The following BCAS4 variants were observed in gnomAD, a reference collection of about 807,000 sequenced individuals.
BCAS4 encodes breast carcinoma amplified sequence 4.
A neutral mutation model predicts 15.7 loss-of-function variants in BCAS4; 9 were observed. The observed-to-expected ratio is 0.57, with a 90% CI of 0.34 to 1.00. The LOEUF (loss-of-function observed/expected upper bound fraction) is 1.00, where lower values mean the gene tolerates loss of function less well. BCAS4 is among the 50% of genes least tolerant of loss of function. The pLI, the probability that BCAS4 is intolerant of heterozygous loss-of-function variation, is 0.02. For synonymous variants in BCAS4, 101 were observed against 99.5 expected (o/e 1.02, Z -0.09); for missense variants, 225 against 239.1 (o/e 0.94, Z 0.39).
At chr20:50,816,306 G>A (rs1221578969) in intron 1 of BCAS4, among the ~76,000 whole-genome samples, 31 of 152,338 alleles carry the variant, frequency 2.0e-4, no homozygotes, top group Admixed American at 1.8e-3. Flanking sequence ...GATTACAGGC[G>A]TGAGCCACTA....
intron 1 of BCAS4, among the ~76,000 whole-genome samples, chr20:50,800,946 A>G (rs1391085835): frequency 6.6e-6 from 1 of 152,222 alleles, no homozygotes; most frequent in Non-Finnish European, 1.5e-5. Context: ...AGAAAAATGT[A>G]AATTAGCCAA....
chr20:50,864,923 G>A (rs968541580), intron 4 of BCAS4, among the ~76,000 whole-genome samples: 3 of 151,366 alleles, frequency 2.0e-5, no homozygotes, highest in East Asian at 2.0e-4. Flanking sequence ...GTGAAACCCC[G>A]TCTCTACTAA....
chr20:50,842,818 G>A (rs2088501727), intron 4 of BCAS4, among the ~76,000 whole-genome samples: 2 of 152,184 alleles, frequency 1.3e-5, no homozygotes, highest in South Asian at 4.1e-4. Context: ...CTGGTGACTT[G>A]CCCCCTTCAC....
intron 1 of BCAS4, among the ~76,000 whole-genome samples, chr20:50,802,297 G>A (rs1378143026): frequency 2.0e-5 from 3 of 152,320 alleles, no homozygotes; most frequent in South Asian, 2.1e-4. Context: ...CGGATGCTGC[G>A]CCATCCAGGT....
rs370383789 is a variant in BCAS4 at position 50,876,534 on chromosome 20, A to G, written c.448A>G (p.Arg150Gly). ...PVTYELPTLY[R>G]TEDYFPVDAG... ...GACGTACGAGCTGCCCACACTGTATAGGACGGAGGACTATTTTCCTGTGGA... is the reference window on the plus strand; with the variant it reads ...GACGTACGAGCTGCCCACACTGTATGGGACGGAGGACTATTTTCCTGTGGA... The change falls in exon 5 of 5, where the codon AGG (arginine) becomes GGG (glycine). Residue 150 changes from arginine (R) to glycine (G), a missense_variant. Coordinates refer to ENST00000371608, the MANE Select transcript of BCAS4 (RefSeq NM_198799.4). 6.2e-7 allele frequency: 1 copy of G among 1,613,940 alleles called. No homozygotes were observed. Among genetic ancestry groups the G allele is most frequent in the Non-Finnish European group, 8.5e-7 (1 of 1,180,006 alleles).
intron 1 of BCAS4, among the ~76,000 whole-genome samples, chr20:50,813,434 AG>A (rs1203007560): frequency 2.0e-5 from 3 of 152,226 alleles, no homozygotes; most frequent in East Asian, 3.8e-4. Context: ...GGCTACTGCA[AG>A]AGTCCTAGCA....
chr20:50,830,463 G>A, intron 3 of BCAS4, 83 bp downstream of exon 3: 2 of 1,157,486 alleles, frequency 1.7e-6, no homozygotes, highest in Non-Finnish European at 2.5e-6. Context: ...ATCTGGCCTT[G>A]AGCATGTCAG....
chr20:50,814,219 A>AG (rs2088108785), intron 1 of BCAS4, among the ~76,000 whole-genome samples: 1 of 152,158 alleles, frequency 6.6e-6, no homozygotes, highest in Non-Finnish European at 1.5e-5. Context: ...CCTAGATACC[A>AG]GGGGGTGAGG....
chr20:50,844,915 T>G (rs1353985527), intron 4 of BCAS4, among the ~76,000 whole-genome samples: 1 of 152,108 alleles, frequency 6.6e-6, no homozygotes, highest in East Asian at 1.9e-4. Flanking sequence ...CCCCAGTGTG[T>G]TGTTCTTGGC....
intron 3 of BCAS4, among the ~76,000 whole-genome samples, chr20:50,838,386 G>A (rs1391019845): frequency 6.6e-6 from 1 of 152,192 alleles, no homozygotes; most frequent in African/African-American, 2.4e-5. Context: ...GGCTATATGA[G>A]ATCAGGTGCT....
intron 4 of BCAS4, among the ~76,000 whole-genome samples, chr20:50,853,957 G>T (rs1406717744): frequency 6.6e-6 from 1 of 152,072 alleles, no homozygotes; most frequent in Non-Finnish European, 1.5e-5. Context: ...AACCAAAAAG[G>T]AGTCCATAAA....
intron 1 of BCAS4, among the ~76,000 whole-genome samples, chr20:50,801,047 C>T (rs1356688354): frequency 3.9e-5 from 6 of 152,152 alleles, no homozygotes; most frequent in African/African-American, 1.4e-4. Context: ...CACGGCACAC[C>T]TGTGGGAAAC....
chr20:50,803,910 G>A (rs2087959308), intron 1 of BCAS4, among the ~76,000 whole-genome samples: 1 of 151,832 alleles, frequency 6.6e-6, no homozygotes, highest in African/African-American at 2.4e-5. Flanking sequence ...AATTATAAAA[G>A]CTCTCCAGGA....
chr20:50,823,304 C>T (rs961384682), intron 2 of BCAS4, among the ~76,000 whole-genome samples: 2 of 152,050 alleles, frequency 1.3e-5, no homozygotes, highest in Non-Finnish European at 2.9e-5. Flanking sequence ...TGCATCACTG[C>T]ACTCCAGCCT....
chr20:50,847,762 G>C (rs1158511345), intron 4 of BCAS4, among the ~76,000 whole-genome samples: 1 of 152,306 alleles, frequency 6.6e-6, no homozygotes, highest in Admixed American at 6.5e-5. Flanking sequence ...TCAGTTACAG[G>C]TGGGACACGG....
chr20:50,859,680 T>C (rs1432403597), intron 4 of BCAS4, among the ~76,000 whole-genome samples: 3 of 151,908 alleles, frequency 2.0e-5, no homozygotes, highest in Non-Finnish European at 4.4e-5. Context: ...GTGTGGAGCT[T>C]AGGGAGCTTA....
At chr20:50,811,603 G>T (rs997275526) in intron 1 of BCAS4, among the ~76,000 whole-genome samples, 3 of 152,076 alleles carry the variant, frequency 2.0e-5, no homozygotes, top group African/African-American at 7.2e-5. Context: ...TGGATTTGCC[G>T]ATCTCTGGAC....
At chr20:50,841,443 C>T (rs2088480646) in intron 3 of BCAS4, among the ~76,000 whole-genome samples, 1 of 152,216 alleles carries the variant, frequency 6.6e-6, no homozygotes, top group Admixed American at 6.5e-5. Flanking sequence ...GCCCCTGCCC[C>T]TGCCACTTCC....
chr20:50,853,301 T>C (rs557256949), intron 4 of BCAS4, among the ~76,000 whole-genome samples: 2 of 151,940 alleles, frequency 1.3e-5, no homozygotes, highest in Admixed American at 1.3e-4. Flanking sequence ...CATACCACCA[T>C]GCCCAGCTAA....
Sources: gnomAD v4.1 joint callset for allele counts (sites outside exome capture counted in the v4.1 genomes callset) on GRCh38, gnomAD v4.1.1 for gene constraint, MANE v1.5 for transcripts, NCBI Gene and HGNC (gene_info 2026-07-23, HGNC 2026-07-21) for gene names.